The following RNF24 variants were observed in gnomAD, a reference collection of about 807,000 sequenced individuals.
The protein encoded by RNF24 is ring finger protein 24.
RNF24 carries 14 observed loss-of-function variants against 20.0 expected under a neutral mutation model. That is an observed-to-expected ratio of 0.70 (90% CI 0.46 to 1.10). The LOEUF is 1.10. Among genes scored for constraint, RNF24 ranks in the 50% least tolerant of loss-of-function variants. The probability of loss-of-function intolerance (pLI) is 0.00; values close to 1 mark genes in which losing one functional copy is unlikely to be tolerated. For synonymous variants in RNF24, 45 were observed against 61.1 expected, an observed-to-expected ratio of 0.74 and a Z score of 1.23; for missense variants, 124 against 177.6, an observed-to-expected ratio of 0.70 and a Z score of 1.71.
rs916972951 is a variant in RNF24, at chr20:3,949,751, C to T, written c.144-1472G>A. 5.3e-5 allele frequency among the ~76,000 whole-genome samples: 8 copies of T among 152,266 alleles called. No homozygotes were observed. In the South Asian group the frequency reaches 1.2e-3, roughly 24 times the overall value. On this transcript the variant is annotated intron_variant, in intron 2 of 5. Coordinates refer to ENST00000358395, the MANE Select transcript of RNF24 (RefSeq NM_001134337.3). ...AGTTTATGAGAGTTCTAGGTGTTCA[C>T]ATCTTTGTAGGTTAAGTCTGAAAAA...
intron 1 of RNF24, among the ~76,000 whole-genome samples, chr20:3,987,552 C>T (rs192939659): frequency 1.3e-5 from 2 of 152,288 alleles, no homozygotes; most frequent in South Asian, 2.1e-4. Context: ...AGCCTCTTTA[C>T]TCAGAGCCAA....
chr20:3,999,860 G>C (rs1234049940), intron 1 of RNF24, among the ~76,000 whole-genome samples: 3 of 152,074 alleles, frequency 2.0e-5, no homozygotes, highest in Non-Finnish European at 4.4e-5. Flanking sequence ...AAAAGAACAT[G>C]GATGAACCTT....
rs2090868683 is a variant in RNF24 at position 3,934,645 on chromosome 20, T to C, written c.308+349A>G. ...CACACTACCATTTATATCCAGACTT[T>C]ATTTTGATTTTAAATAACTATGGTT... On this transcript the variant is annotated intron_variant, in intron 5 of 5. Coordinates refer to ENST00000358395, the MANE Select transcript of RNF24 (RefSeq NM_001134337.3). This position sits in a 1 kb window ranked among gnomAD's most constrained non-coding sequence, Gnocchi z 4.0. Among the ~76,000 whole-genome samples the C allele has an allele frequency of 1.3e-5, 2 of 152,202 alleles. No individual in the cohort carries two copies. Among genetic ancestry groups the C allele is most frequent in the South Asian group, 2.1e-4 (1 of 4,824 alleles).
Position 3,928,689 on chromosome 20 carries a change from A to T in RNF24, c.*5374T>A. 1 of 124,522 alleles carries T rather than the reference A, an allele frequency of 8.0e-6. No individual in the cohort carries two copies. Among genetic ancestry groups the T allele is most frequent in the South Asian group, 2.8e-4 (1 of 3,600 alleles). The allele number at this position is 124,522 out of a possible 1,614,324, so 7.7% of individuals were successfully genotyped here. On this transcript the variant is annotated 3_prime_UTR_variant, in exon 6 of 6. Coordinates refer to ENST00000358395, the MANE Select transcript of RNF24 (RefSeq NM_001134337.3). ...CGTGAACCTGGGAGGCGGAGCTTGC[A>T]GTGGGCCAAGATCGTGCCACTGCAT...
intron 1 of RNF24, among the ~76,000 whole-genome samples, chr20:4,013,180 T>G (rs1350323080): frequency 1.3e-5 from 2 of 152,126 alleles, no homozygotes; most frequent in Non-Finnish European, 2.9e-5. Context: ...AAAAAAGAAT[T>G]TGAACGTGGT....
intron 1 of RNF24, among the ~76,000 whole-genome samples, chr20:3,977,957 C>T (rs1369398644): frequency 6.6e-6 from 1 of 151,588 alleles, no homozygotes; most frequent in Non-Finnish European, 1.5e-5. Context: ...AGCTGGTTAA[C>T]ACGTACAAAA....
intron 1 of RNF24, among the ~76,000 whole-genome samples, chr20:4,000,161 T>C (rs915973814): frequency 2.0e-5 from 3 of 152,178 alleles, no homozygotes; most frequent in African/African-American, 7.2e-5. Context: ...CTATATGGGA[T>C]ATAAATTATG....
chr20:3,933,582 C>G lies in RNF24; in HGVS notation c.*481G>C, dbSNP rs2090853128. ...GCATACAACATGAGCCTTGTGGGCA[C>G]TGCCTCACCAACCACTGGTGGCTGG... On this transcript the variant is annotated 3_prime_UTR_variant, in exon 6 of 6. Transcript: ENST00000358395. 1 of 178,430 alleles carries G rather than the reference C, an allele frequency of 5.6e-6. No homozygotes were observed. Among genetic ancestry groups the G allele is most frequent in the African/African-American group, 2.3e-5 (1 of 42,624 alleles). 11.1% of individuals were successfully genotyped at this position (178,430 alleles called of 1,614,324 possible).
At chr20:3,995,675 C>A (rs1467935665) in intron 1 of RNF24, among the ~76,000 whole-genome samples, 2 of 152,148 alleles carry the variant, frequency 1.3e-5, no homozygotes, top group East Asian at 3.8e-4. Flanking sequence ...GCCTGGAAGT[C>A]TCCCCTTTGT....
At chr20:3,972,079 T>C (rs1234224981) in intron 1 of RNF24, among the ~76,000 whole-genome samples, 2 of 151,936 alleles carry the variant, frequency 1.3e-5, no homozygotes, top group South Asian at 2.1e-4. Flanking sequence ...GATAAAATGG[T>C]CAACCCACTA....
At chr20:3,948,065 A>G (rs1367311521) in intron 3 of RNF24, among the ~76,000 whole-genome samples, 172 bp downstream of exon 3, 3 of 151,988 alleles carry the variant, frequency 2.0e-5, no homozygotes, top group Non-Finnish European at 4.4e-5. Context: ...AAAAAAGAAG[A>G]GAAGAATACT....
intron 1 of RNF24, among the ~76,000 whole-genome samples, chr20:4,002,168 G>T (rs1254476035): frequency 6.6e-6 from 1 of 152,006 alleles, no homozygotes; most frequent in East Asian, 1.9e-4. Flanking sequence ...GGTGGATCAC[G>T]AGGTCAGGAG....
rs555591435 is a variant in RNF24, at chr20:3,927,711, G to C, written c.*6352C>G. The C allele has an allele frequency of 4.9e-4, 75 of 152,380 alleles. No homozygotes were observed. Among genetic ancestry groups the C allele is most frequent in the African/African-American group, 1.8e-3 (74 of 41,580 alleles). 9.4% of individuals were successfully genotyped at this position (152,380 alleles called of 1,614,324 possible). A position where few individuals can be genotyped will look rare whatever the true frequency, so the allele number is the denominator to read the frequency against. Reference sequence around the variant, plus strand: ...TAACACTTGCCACACCTGCTCCCCCGACCGGGGGCCTGGGAGGGAAGGGCA... The same window carrying C: ...TAACACTTGCCACACCTGCTCCCCCCACCGGGGGCCTGGGAGGGAAGGGCA... On this transcript the variant is annotated 3_prime_UTR_variant, in exon 6 of 6. Coordinates refer to ENST00000358395, the MANE Select transcript of RNF24 (RefSeq NM_001134337.3).
chr20:3,965,259 T>C (rs1027292540), intron 1 of RNF24, among the ~76,000 whole-genome samples: 1 of 152,202 alleles, frequency 6.6e-6, no homozygotes, highest in Non-Finnish European at 1.5e-5. Context: ...TCTACTTTTA[T>C]TTATGCATGG....
intron 4 of RNF24, among the ~76,000 whole-genome samples, chr20:3,940,140 TAG>T (rs1328878151): frequency 6.6e-6 from 1 of 152,048 alleles, no homozygotes; most frequent in Admixed American, 6.6e-5. Flanking sequence ...GTATTTTTAG[TAG>T]AGACGGGGTT....
intron 2 of RNF24, among the ~76,000 whole-genome samples, chr20:3,957,154 C>T (rs1053805464): frequency 6.6e-5 from 10 of 152,010 alleles, no homozygotes; most frequent in African/African-American, 1.7e-4. Context: ...AAAAATTAGC[C>T]AGGCATGGTG....
At chr20:3,958,264 T>C (rs903614907) in intron 2 of RNF24, among the ~76,000 whole-genome samples, 1 of 152,204 alleles carries the variant, frequency 6.6e-6, no homozygotes, top group African/African-American at 2.4e-5. Context: ...TCTTCCACAA[T>C]TGGCTCATTC....
At chr20:3,954,771 C>A (rs182545090) in intron 2 of RNF24, among the ~76,000 whole-genome samples, 5 of 151,634 alleles carry the variant, frequency 3.3e-5, no homozygotes, top group South Asian at 2.1e-4. Flanking sequence ...TGGTGGCAGG[C>A]GCCTGTAATC....
rs2090837639 is a variant in RNF24 at position 3,932,589 on chromosome 20, CA to C, written c.*1473del. The C allele has an allele frequency of 4.5e-6, 1 of 224,046 alleles. No individual in the cohort carries two copies. The allele number at this position is 224,046 out of a possible 1,614,324, so 13.9% of individuals were successfully genotyped here. ...CCAGAAAAAAATCCTGGAGTCATGC[CA>C]AGAGCAGAGTAGCAAAGCTCCCTCC... On this transcript the variant is annotated 3_prime_UTR_variant, in exon 6 of 6. Coordinates refer to ENST00000358395, the MANE Select transcript of RNF24 (RefSeq NM_001134337.3).
Sources: gnomAD v4.1 joint callset for allele counts (sites outside exome capture counted in the v4.1 genomes callset) on GRCh38, gnomAD v4.1.1 for gene constraint, Gnocchi (gnomAD v3.1) non-coding constraint, MANE v1.5 for transcripts, NCBI Gene and HGNC (gene_info 2026-07-23, HGNC 2026-07-21) for gene names.